The following LMCD1 variants were observed in gnomAD, a reference collection of about 807,000 sequenced individuals.
LMCD1 encodes the protein LIM and cysteine-rich domains protein 1.
A neutral mutation model predicts 42.7 loss-of-function variants in LMCD1; 32 were observed. That is an observed-to-expected ratio of 0.75 (90% CI 0.57 to 1.01). The LOEUF is 1.01. LMCD1 is among the 50% of genes least tolerant of loss of function. The pLI, the probability that LMCD1 is intolerant of heterozygous loss-of-function variation, is 0.00. For synonymous variants in LMCD1, 178 were observed against 184.9 expected, an observed-to-expected ratio of 0.96 and a Z score of 0.30; for missense variants, 458 against 483.1, an observed-to-expected ratio of 0.95 and a Z score of 0.49.
intron 3 of LMCD1, among the ~76,000 whole-genome samples, chr3:8,538,596 C>T (rs1331178226): frequency 6.6e-6 from 1 of 152,184 alleles, no homozygotes; most frequent in African/African-American, 2.4e-5. Context: ...AGCTCCTGCC[C>T]TCCTTGGGGC....
chr3:8,554,682 C>T (rs4686266), intron 4 of LMCD1, among the ~76,000 whole-genome samples: 4,768 of 152,276 alleles, frequency 0.031, 282 homozygotes, highest in African/African-American at 0.11. Flanking sequence ...CTGGATGGAA[C>T]TGATGGGCCC....
At chr3:8,556,637 C>T (rs773073298) in intron 4 of LMCD1, among the ~76,000 whole-genome samples, 14 of 152,156 alleles carry the variant, frequency 9.2e-5, no homozygotes, top group Admixed American at 3.9e-4. Context: ...TTCTAAGCCC[C>T]GGGCAAAGCC....
At chr3:8,512,962 G>A (rs966422100) in intron 1 of LMCD1, among the ~76,000 whole-genome samples, 1 of 152,166 alleles carries the variant, frequency 6.6e-6, no homozygotes, top group Non-Finnish European at 1.5e-5. Flanking sequence ...AAACTGTGTT[G>A]TGTAGAATCA....
At chr3:8,510,618 C>G (rs1311518436) in intron 1 of LMCD1, among the ~76,000 whole-genome samples, 1 of 152,150 alleles carries the variant, frequency 6.6e-6, no homozygotes, top group Non-Finnish European at 1.5e-5. Flanking sequence ...CAATGGAAAG[C>G]AGGTATTTTT....
At position 8,567,660 on chromosome 3, in the gene LMCD1, C is replaced by T. The variant is rs1371055690; in HGVS notation, c.*62C>T. The T allele has an allele frequency of 2.9e-5, 45 of 1,537,540 alleles. No homozygotes were observed. The highest frequency in any genetic ancestry group is 1.4e-4 in the East Asian group (6 of 44,190). ...CACCGAGAAGGAGAGCCAGGTGTGCCGAGACCATCCTAAGGGTCCGATGTG... is the reference window on the plus strand; with the variant it reads ...CACCGAGAAGGAGAGCCAGGTGTGCTGAGACCATCCTAAGGGTCCGATGTG... On this transcript the variant is annotated 3_prime_UTR_variant, in exon 6 of 6. Coordinates refer to ENST00000157600, the MANE Select transcript of LMCD1 (RefSeq NM_014583.4).
intron 3 of LMCD1, among the ~76,000 whole-genome samples, chr3:8,538,799 T>C (rs1694561040): frequency 6.6e-6 from 1 of 152,160 alleles, no homozygotes; most frequent in African/African-American, 2.4e-5. Context: ...GCAGACACCC[T>C]GCCTGTCCTG....
chr3:8,514,859 T>G, intron 1 of LMCD1: 1 of 446,090 alleles, frequency 2.2e-6, no homozygotes, highest in South Asian at 1.6e-5. Flanking sequence ...AAGAGGTGTT[T>G]ATTGAATAGA....
chr3:8,562,768 A>G (rs6804698), intron 4 of LMCD1, among the ~76,000 whole-genome samples: 18,534 of 151,900 alleles, frequency 0.12, 1,364 homozygotes, highest in African/African-American at 0.2. Context: ...TTTTTTATAT[A>G]TTTATTTTCT....
chr3:8,535,043 A>G (rs1478526760), intron 2 of LMCD1, among the ~76,000 whole-genome samples: 1 of 152,268 alleles, frequency 6.6e-6, no homozygotes, highest in Non-Finnish European at 1.5e-5. Flanking sequence ...ATCTAGTTCC[A>G]TTTATGGAAA....
intron 1 of LMCD1, among the ~76,000 whole-genome samples, chr3:8,520,262 G>A (rs986657102): frequency 1.3e-5 from 2 of 152,114 alleles, no homozygotes; most frequent in Non-Finnish European, 2.9e-5. Flanking sequence ...ATTCCTACAG[G>A]ATGACATTCT....
intron 4 of LMCD1, 49 bp from the exon 5 acceptor site, chr3:8,565,383 G>A: frequency 6.5e-7 from 1 of 1,531,990 alleles, no homozygotes; most frequent in Middle Eastern, 1.7e-4. Context: ...CCATGTCACT[G>A]TGCTCTCCTG....
chr3:8,549,998 A>G, intron 4 of LMCD1: 1 of 1,493,326 alleles, frequency 6.7e-7, no homozygotes, highest in Non-Finnish European at 9.0e-7. Context: ...CAATACTGCC[A>G]TGCAGAGGAT....
rs1695204060 is a variant in LMCD1, at chr3:8,570,964, T to G, written c.*3366T>G. ...TTGCCTGCAATTCCCCACACTGTGT[T>G]TAATTGCTGCCTCTGCTGGGGGGCT... is the stretch of plus-strand genomic sequence containing the variant. On this transcript the variant is annotated 3_prime_UTR_variant, in exon 6 of 6. Coordinates refer to ENST00000157600, the MANE Select transcript of LMCD1 (RefSeq NM_014583.4). 6.6e-6 allele frequency: 1 copy of G among 152,224 alleles called. No homozygotes were observed. Among genetic ancestry groups the G allele is most frequent in the Admixed American group, 6.5e-5 (1 of 15,276 alleles). The allele number at this position is 152,224 out of a possible 1,614,324, so 9.4% of individuals were successfully genotyped here.
At chr3:8,529,057 T>G (rs1445911595) in intron 1 of LMCD1, among the ~76,000 whole-genome samples, 2 of 152,218 alleles carry the variant, frequency 1.3e-5, no homozygotes, top group Non-Finnish European at 2.9e-5. Flanking sequence ...AACTCTTCTA[T>G]TCTCAGCTAC....
intron 4 of LMCD1, among the ~76,000 whole-genome samples, chr3:8,562,457 C>T (rs1439136051): frequency 6.6e-6 from 1 of 152,192 alleles, no homozygotes; most frequent in Non-Finnish European, 1.5e-5. Context: ...GAGCCAAGGG[C>T]GGCAGTTTGA....
rs1186491394 is a variant in LMCD1 at position 8,532,415 on chromosome 3, AATAG to A, written c.43-315_43-312del. On this transcript the variant is annotated intron_variant, in intron 1 of 5. Transcript: ENST00000157600. ...GAGAGTGGGTGAGGGTGGGGGATGG[AATAG>A]ATAGATGGTCACTCACAGCAGGGCG... Among the ~76,000 whole-genome samples, 26 of 152,252 alleles carry A rather than the reference AATAG, an allele frequency of 1.7e-4. 2 individuals carry two copies. The East Asian group carries it at 4.8e-3, about 28-fold the overall frequency.
In LMCD1 at chr3:8,567,513, G is replaced by C. The variant is rs780475670; in HGVS notation, c.1013G>C (p.Cys338Ser). ...WHRKHFVCEG[C>S]EQLLSGRAYI... is the part of the protein sequence containing the mutation. ...CGAAAGCACTTTGTCTGTGAGGGTT[G>C]TGAGCAGCTGCTGAGCGGCCGGGCG... Residue 338 changes from cysteine (C) to serine (S), a missense_variant, in exon 6 of 6, where the codon TGT (cysteine) becomes TCT (serine). Physicochemically the swap from Cys to Ser is moderately radical, Grantham distance 112 (BLOSUM62 -1). Coordinates refer to ENST00000157600, the MANE Select transcript of LMCD1 (RefSeq NM_014583.4). 2 of 1,613,988 alleles carry C rather than the reference G, an allele frequency of 1.2e-6. No individual in the cohort carries two copies. The highest frequency in any genetic ancestry group is 8.5e-7 in the Non-Finnish European group (1 of 1,180,006).
chr3:8,560,724 A>AT (rs1490554869), intron 4 of LMCD1, among the ~76,000 whole-genome samples: 7 of 152,288 alleles, frequency 4.6e-5, no homozygotes, highest in East Asian at 3.9e-4. Context: ...CTGGTCACTG[A>AT]TTTTTTGTCT....
intron 1 of LMCD1, among the ~76,000 whole-genome samples, chr3:8,509,239 GTT>G (rs377555831): frequency 6.6e-6 from 1 of 152,146 alleles, no homozygotes; most frequent in Non-Finnish European, 1.5e-5. Flanking sequence ...ACCAAATTCA[GTT>G]TACCTACATC....
Sources: allele counts gnomAD v4.1 joint callset (sites outside exome capture counted in the v4.1 genomes callset), GRCh38; gene constraint gnomAD v4.1.1; transcripts MANE v1.5; gene names NCBI Gene and HGNC (gene_info 2026-07-23, HGNC 2026-07-21).